Variants in GGT7 observed in about 807,000 individuals in gnomAD.
The protein encoded by GGT7 is glutathione hydrolase 7.
A neutral mutation model predicts 69.2 loss-of-function variants in GGT7; 30 were observed. The ratio of observed to expected loss-of-function variants is 0.43; its 90% CI spans 0.32 to 0.59. The LOEUF is 0.59. Ranked by LOEUF, GGT7 falls within the 20% of genes least tolerant of loss-of-function variation. The pLI is 0.05. For missense variants in GGT7, 733 were observed against 901.1 expected (o/e 0.81, Z 2.39); for synonymous variants, 388 against 391.8 (o/e 0.99, Z 0.12).
chr20:34,858,027 C>T (rs983802236), intron 7 of GGT7, among the ~76,000 whole-genome samples: 1 of 152,112 alleles, frequency 6.6e-6, no homozygotes, highest in African/African-American at 2.4e-5. Flanking sequence ...TTCCCTTTGC[C>T]ACCTCCAGGA....
At chr20:34,855,318 A>T (rs921618505) in intron 8 of GGT7, among the ~76,000 whole-genome samples, 20 of 152,188 alleles carry the variant, frequency 1.3e-4, no homozygotes, top group African/African-American at 4.8e-4. Flanking sequence ...ATGACTCCTG[A>T]TGGTCTCATC....
Position 34,854,933 on chromosome 20 carries a change from C to A in GGT7, c.1103-10G>T. ...CTAAGAACCAGGTGGCCTGAAAGGACAGGAAGTGACTGATGGCAGGGTAGG... is the reference window on the plus strand; with the variant it reads ...CTAAGAACCAGGTGGCCTGAAAGGAAAGGAAGTGACTGATGGCAGGGTAGG... On this transcript the variant is annotated splice_polypyrimidine_tract_variant and intron_variant, in intron 8 of 14. Coordinates refer to ENST00000336431, the MANE Select transcript of GGT7 (RefSeq NM_178026.3). 1 of 1,612,894 alleles carries A rather than the reference C, an allele frequency of 6.2e-7. No homozygotes were observed.
At chr20:34,861,366 A>G (rs752761947) in intron 4 of GGT7, 79 bp downstream of exon 4, 2 of 637,364 alleles carry the variant, frequency 3.1e-6, no homozygotes, top group South Asian at 5.4e-5. Flanking sequence ...GTAAATACTT[A>G]GCAAATTAAT....
At position 34,854,835 on chromosome 20, in the gene GGT7, G is replaced by T. The variant is rs148078939; in HGVS notation, c.1191C>A (p.Ser397Arg). 35 of 1,614,058 alleles carry T rather than the reference G, an allele frequency of 2.2e-5. No homozygotes were observed. The highest frequency in any genetic ancestry group is 3.3e-4 in the Middle Eastern group (2 of 6,080). Reference sequence around the variant, plus strand: ...GAAGAGCCTGTTCTCGGGATACCAGGCTGGTGAGATTGAAGCCCTCCAGGA... The same window carrying T: ...GAAGAGCCTGTTCTCGGGATACCAGTCTGGTGAGATTGAAGCCCTCCAGGA... ...LNILEGFNLT[S>R]LVSREQALHW... Residue 397 changes from serine to arginine, a missense_variant, in exon 9 of 15, where the codon AGC becomes AGA. Coordinates refer to ENST00000336431, the MANE Select transcript of GGT7 (RefSeq NM_178026.3).
intron 10 of GGT7, 71 bp from the exon 11 acceptor site, chr20:34,852,609 G>T (rs746043967): frequency 1.1e-4 from 158 of 1,411,648 alleles, no homozygotes; most frequent in Non-Finnish European, 1.4e-4. Flanking sequence ...TCACTTTTGT[G>T]GTGTTTGTGT....
At chr20:34,869,952 G>C (rs1248709404) in intron 1 of GGT7, among the ~76,000 whole-genome samples, 2 of 152,192 alleles carry the variant, frequency 1.3e-5, no homozygotes, top group African/African-American at 2.4e-5. Context: ...AATGATCACT[G>C]TCTAGCTCTC....
chr20:34,854,183 C>T (rs560877674), intron 10 of GGT7, among the ~76,000 whole-genome samples: 2 of 152,192 alleles, frequency 1.3e-5, no homozygotes, highest in Admixed American at 1.3e-4. Flanking sequence ...GTGATCCACC[C>T]GCCTTGGCCT....
At chr20:34,852,114 A>T (rs200008306) in intron 12 of GGT7, 41 bp downstream of exon 12, 2 of 1,176,564 alleles carry the variant, frequency 1.7e-6, no homozygotes, top group East Asian at 4.6e-5. Context: ...TCCTACCTAT[A>T]GGCCTCAGGG....
chr20:34,863,584 C>A lies in GGT7; in HGVS notation c.170-36G>T. On this transcript the variant is annotated intron_variant, in intron 1 of 14. Coordinates refer to ENST00000336431, the MANE Select transcript of GGT7 (RefSeq NM_178026.3). This position sits in a 1 kb window ranked among gnomAD's most constrained non-coding sequence, Gnocchi z 4.4. ...GCAGCCGGGGTCGGTCTGGGCATCTCCTATCTGGCCCTGCCCACCCTCCAG... is the reference window on the plus strand; with the variant it reads ...GCAGCCGGGGTCGGTCTGGGCATCTACTATCTGGCCCTGCCCACCCTCCAG... The A allele has an allele frequency of 7.3e-7, 1 of 1,372,848 alleles. No individual in the cohort carries two copies. The highest frequency in any genetic ancestry group is 1.2e-5 in the South Asian group (1 of 80,238). The allele number at this position is 1,372,848 out of a possible 1,614,324, so 85.0% of individuals were successfully genotyped here.
rs141175959 is a variant in GGT7, at chr20:34,854,227, G to A, written c.1319+304C>T. On this transcript the variant is annotated intron_variant, in intron 10 of 14. Coordinates refer to ENST00000336431, the MANE Select transcript of GGT7 (RefSeq NM_178026.3). ...ACTGGGATTACAGGCGTGAGCCACC[G>A]TGCCTGGCTTTTGTTTGGTATTGAG... Among the ~76,000 whole-genome samples, 1,486 of 152,306 alleles carry A rather than the reference G, an allele frequency of 9.8e-3. 27 individuals carry two copies. Among genetic ancestry groups the A allele is most frequent in the African/African-American group, 0.031 (1,306 of 41,574 alleles).
rs768099216 is a variant in GGT7, at chr20:34,854,945, G to C, written c.1103-22C>G. ...TGGCCTGAAAGGACAGGAAGTGACT[G>C]ATGGCAGGGTAGGGGTCAAGGCACC... On this transcript the variant is annotated intron_variant, in intron 8 of 14. Coordinates refer to ENST00000336431, the MANE Select transcript of GGT7 (RefSeq NM_178026.3). The C allele has an allele frequency of 2.5e-6, 4 of 1,611,758 alleles. No individual in the cohort carries two copies. In the African/African-American group the frequency reaches 5.3e-5, roughly 22 times the overall value.
At chr20:34,846,851 T>C (rs1008563765) in intron 14 of GGT7, among the ~76,000 whole-genome samples, 2 of 152,188 alleles carry the variant, frequency 1.3e-5, no homozygotes, top group African/African-American at 2.4e-5. Context: ...TCCAGCCACA[T>C]TGACCTCCTT....
chr20:34,846,160 T>C (rs987026619), intron 14 of GGT7, among the ~76,000 whole-genome samples: 155 of 152,142 alleles, frequency 1.0e-3, no homozygotes, highest in African/African-American at 3.6e-3. Context: ...CATCTCCACC[T>C]GCCAAAGTCA....
intron 14 of GGT7, among the ~76,000 whole-genome samples, chr20:34,848,144 CATGTT>C (rs964659370): frequency 2.0e-5 from 3 of 152,164 alleles, no homozygotes; most frequent in African/African-American, 7.2e-5. Flanking sequence ...TTTAGAGAGA[CATGTT>C]ATGTACATAT....
chr20:34,852,464 TAGAC>T lies in GGT7; in HGVS notation c.1390_1393del (p.Val464MetfsTer3). 1 of 1,612,920 alleles carries T rather than the reference TAGAC, an allele frequency of 6.2e-7. No individual in the cohort carries two copies. Among genetic ancestry groups the T allele is most frequent in the East Asian group, 2.2e-5 (1 of 44,878 alleles). On this transcript the variant is annotated frameshift_variant, in exon 11 of 15. Coordinates refer to ENST00000336431, the MANE Select transcript of GGT7 (RefSeq NM_178026.3). LOFTEE classifies it high-confidence loss of function. ...AGCCGTGGGAGCTCCGTCTAGTTCA[TAGAC>T]AGGCAGGAGTGGGGCAGGGGCTGCC... is the stretch of plus-strand genomic sequence containing the variant.
Position 34,852,261 on chromosome 20 carries a change from T to C in GGT7, c.1481A>G (p.Gln494Arg), listed in dbSNP as rs776256348. 6.2e-7 allele frequency: 1 copy of C among 1,613,330 alleles called. No homozygotes were observed. Residue 494 changes from glutamine (Q) to arginine (R), a missense_variant, in exon 12 of 15, where the codon CAG (glutamine) becomes CGG (arginine). Physicochemically the swap from Gln to Arg is conservative, Grantham distance 43. Coordinates refer to ENST00000336431, the MANE Select transcript of GGT7 (RefSeq NM_178026.3). ...GGTGATAAGGCCGCTGCCAAAGGGC[T>C]GGTTCAGGGAGCTGGGGGCCGAGGT... is the stretch of plus-strand genomic sequence containing the variant. ...FIVAMVSSLN[Q>R]PFGSGLITPS...
In GGT7 at chr20:34,863,960, T is replaced by C. The variant is rs897797392; in HGVS notation, c.170-412A>G. On this transcript the variant is annotated intron_variant, in intron 1 of 14. Transcript: ENST00000336431. The surrounding 1 kb of genome is among the most constrained non-coding windows in gnomAD (Gnocchi z 4.4). The stretch of plus-strand genomic sequence containing the variant: ...TAAACAGAGTGGAGGGACCCTGCCT[T>C]CCAACCTCACTTCAGTTATCAGCTC... Among the ~76,000 whole-genome samples the C allele has an allele frequency of 6.6e-6, 1 of 152,130 alleles. No individual in the cohort carries two copies. The highest frequency in any genetic ancestry group is 1.5e-5 in the Non-Finnish European group (1 of 68,014).
chr20:34,856,289 C>T (rs961618891), intron 8 of GGT7, among the ~76,000 whole-genome samples: 8 of 152,168 alleles, frequency 5.3e-5, no homozygotes, highest in Non-Finnish European at 1.0e-4. Flanking sequence ...AACATGGACC[C>T]CACCCATGTC....
chr20:34,845,112 T>TCACCACCACCAGCAC lies in GGT7; in HGVS notation c.*215_*216insGTGCTGGTGGTGGTG, dbSNP rs2079278661. 2.6e-6 allele frequency: 1 copy of TCACCACCACCAGCAC among 383,210 alleles called. No individual in the cohort carries two copies. The highest frequency in any genetic ancestry group is 4.4e-5 in the Admixed American group (1 of 22,710). 23.7% of individuals were successfully genotyped at this position (383,210 alleles called of 1,614,324 possible). A position where few individuals can be genotyped will look rare whatever the true frequency, so the allele number is the denominator to read the frequency against. On this transcript the variant is annotated 3_prime_UTR_variant, in exon 15 of 15. Coordinates refer to ENST00000336431, the MANE Select transcript of GGT7 (RefSeq NM_178026.3). ...CTGGCTGTACTGTAGATGCTGACAC[T>TCACCACCACCAGCAC]CACCACCACCACCACCACCACCACC...
Sources: allele counts gnomAD v4.1 joint callset (sites outside exome capture counted in the v4.1 genomes callset), GRCh38; gene constraint gnomAD v4.1.1; non-coding constraint Gnocchi (gnomAD v3.1); transcripts MANE v1.5; gene names NCBI Gene and HGNC (gene_info 2026-07-23, HGNC 2026-07-21).